MEMO1: variants seen among roughly 807,000 people sequenced by gnomAD.
The protein encoded by MEMO1 is protein MEMO1.
In MEMO1, 6 loss-of-function variants were observed where a neutral mutation model predicts 45.2. The observed-to-expected ratio is 0.13, with a 90% CI of 0.07 to 0.26. MEMO1 has a LOEUF of 0.26. Among genes scored for constraint, MEMO1 ranks in the 10% least tolerant of loss-of-function variants. MEMO1 has a pLI of 1.00. For synonymous variants in MEMO1, 78 were observed against 124.3 expected (o/e 0.63, Z 2.48); for missense variants, 184 against 370.5 (o/e 0.50, Z 4.13).
intron 3 of MEMO1, among the ~76,000 whole-genome samples, chr2:31,934,833 T>G (rs912321506): frequency 2.0e-5 from 3 of 152,088 alleles, no homozygotes; most frequent in African/African-American, 7.2e-5. Context: ...GAAGCTCTCT[T>G]GAAAATTGTG....
At chr2:31,950,984 G>A (rs1411622032) in intron 2 of MEMO1, among the ~76,000 whole-genome samples, 1 of 152,088 alleles carries the variant, frequency 6.6e-6, no homozygotes, top group African/African-American at 2.4e-5. Context: ...TTTTTTTAAA[G>A]TGTTTCTCTG....
chr2:32,004,932 A>C (rs1673865298), intron 2 of MEMO1, among the ~76,000 whole-genome samples: 1 of 152,008 alleles, frequency 6.6e-6, no homozygotes, highest in Non-Finnish European at 1.5e-5. Context: ...GTTTCAAAAA[A>C]AAAAAAAAAC....
chr2:31,988,141 C>A (rs1466419712), intron 2 of MEMO1, among the ~76,000 whole-genome samples: 1 of 152,030 alleles, frequency 6.6e-6, no homozygotes, highest in Non-Finnish European at 1.5e-5. Context: ...TTTCTACATA[C>A]CAGAAGTCTG....
intron 8 of MEMO1, among the ~76,000 whole-genome samples, chr2:31,873,174 CTA>C (rs1674044231): frequency 6.6e-6 from 1 of 152,086 alleles, no homozygotes; most frequent in African/African-American, 2.4e-5. Context: ...TGAGAGCTTC[CTA>C]AGGCCTAGTA....
chr2:31,897,425 A>G (rs1323824885), intron 6 of MEMO1, among the ~76,000 whole-genome samples: 1 of 152,242 alleles, frequency 6.6e-6, no homozygotes. Context: ...TTTTAGCATG[A>G]AGCGGTATTG....
chr2:31,872,621 A>C (rs561436610), intron 8 of MEMO1, among the ~76,000 whole-genome samples: 83 of 152,310 alleles, frequency 5.4e-4, no homozygotes, highest in African/African-American at 2.0e-3. Context: ...AAAAAATACT[A>C]CTAAGTAAAG....
chr2:31,977,249 C>T (rs1670110517), intron 2 of MEMO1, among the ~76,000 whole-genome samples: 2 of 152,124 alleles, frequency 1.3e-5, no homozygotes, highest in South Asian at 2.1e-4. Flanking sequence ...CCCTTTAAAA[C>T]CTAGGTTAAG....
At chr2:31,977,663 G>C (rs950766463) in intron 2 of MEMO1, among the ~76,000 whole-genome samples, 11 of 151,930 alleles carry the variant, frequency 7.2e-5, no homozygotes, top group Non-Finnish European at 1.2e-4. Flanking sequence ...ACAGGTGTGC[G>C]CCACCACTGC....
chr2:31,984,182 A>T (rs1558554228), intron 2 of MEMO1, among the ~76,000 whole-genome samples: 1 of 152,182 alleles, frequency 6.6e-6, no homozygotes, highest in Non-Finnish European at 1.5e-5. Context: ...TTTACAACAG[A>T]CAAACCTGGC....
intron 7 of MEMO1, among the ~76,000 whole-genome samples, chr2:31,887,370 C>T (rs1676335789): frequency 6.6e-6 from 1 of 152,006 alleles, no homozygotes; most frequent in Admixed American, 6.6e-5. Flanking sequence ...TATAAAGCCC[C>T]CAAAAGATCA....
chr2:31,952,288 T>C (rs1272121271), intron 2 of MEMO1, among the ~76,000 whole-genome samples: 1 of 152,216 alleles, frequency 6.6e-6, no homozygotes, highest in Non-Finnish European at 1.5e-5. Context: ...TTGGCTATAC[T>C]GTATTTCAGA....
chr2:31,899,398 G>A (rs960296967), intron 6 of MEMO1, among the ~76,000 whole-genome samples: 3 of 152,160 alleles, frequency 2.0e-5, no homozygotes, highest in Non-Finnish European at 4.4e-5. Context: ...ACAACCATCT[G>A]ATCTTTGAAA....
At chr2:31,938,809 A>G (rs1051725949) in intron 3 of MEMO1, among the ~76,000 whole-genome samples, 1 of 143,478 alleles carries the variant, frequency 7.0e-6, no homozygotes, top group African/African-American at 2.6e-5. Context: ...TTTTTGAGAC[A>G]GGGTCTCACT....
chr2:31,915,632 T>G (rs1030801774), intron 6 of MEMO1, among the ~76,000 whole-genome samples: 6 of 151,760 alleles, frequency 4.0e-5, no homozygotes, highest in Non-Finnish European at 8.8e-5. Context: ...AAAAAAAAAG[T>G]CCTACTTGAA....
At chr2:31,927,585 A>C (rs1045800271) in intron 4 of MEMO1, among the ~76,000 whole-genome samples, 14 of 152,158 alleles carry the variant, frequency 9.2e-5, no homozygotes, top group Admixed American at 2.0e-4. Context: ...ATTAAGCCAA[A>C]CATTAAAAGG....
chr2:31,902,971 G>A (rs1434531661), intron 6 of MEMO1, among the ~76,000 whole-genome samples: 1 of 151,632 alleles, frequency 6.6e-6, no homozygotes, highest in East Asian at 1.9e-4. Context: ...AAATACACGC[G>A]ATAAGAAAAC....
chr2:31,872,016 A>AACACACACACACACACACACACAC (rs55682785), intron 8 of MEMO1, among the ~76,000 whole-genome samples: 56 of 143,308 alleles, frequency 3.9e-4, no homozygotes, highest in African/African-American at 1.3e-3. Context: ...TCTGTCTCAA[A>AACACACACACACACACACACACAC]ACACACACAC....
intron 2 of MEMO1, among the ~76,000 whole-genome samples, chr2:32,008,696 G>A (rs185080582): frequency 6.6e-6 from 1 of 152,120 alleles, no homozygotes; most frequent in Admixed American, 6.5e-5. Context: ...AGTACTTTAG[G>A]ACCATGAATG....
At chr2:31,897,368 CTTA>C (rs1448418278) in intron 6 of MEMO1, among the ~76,000 whole-genome samples, 1 of 152,134 alleles carries the variant, frequency 6.6e-6, no homozygotes, top group Non-Finnish European at 1.5e-5. Flanking sequence ...ATAAATAGCT[CTTA>C]TTATTATGAG....
Sources: allele counts gnomAD v4.1 joint callset (sites outside exome capture counted in the v4.1 genomes callset), GRCh38; gene constraint gnomAD v4.1.1; transcripts MANE v1.5; gene names NCBI Gene and HGNC (gene_info 2026-07-23, HGNC 2026-07-21).